The following NUDT7 variants were observed in gnomAD, a reference collection of about 807,000 sequenced individuals.
NUDT7 encodes the protein nudix hydrolase 7, also known as peroxisomal coenzyme A diphosphatase NUDT7.
NUDT7 carries 19 observed loss-of-function variants against 13.1 expected under a neutral mutation model. The observed-to-expected ratio is 1.45, with a 90% confidence interval of 1.01 to 2.13. NUDT7 has a LOEUF of 2.13. Ranked by LOEUF, NUDT7 falls within the 30% of genes most tolerant of loss-of-function variation. The probability of loss-of-function intolerance (pLI) is 0.00; values close to 1 mark genes in which losing one functional copy is unlikely to be tolerated. For synonymous variants in NUDT7, 132 were observed against 109.7 expected, an observed-to-expected ratio of 1.20 and a Z score of -1.27; for missense variants, 360 against 291.7, an observed-to-expected ratio of 1.23 and a Z score of -1.71.
At chr16:77,737,675 CG>C (rs1469298187) in intron 3 of NUDT7, among the ~76,000 whole-genome samples, 3 of 152,006 alleles carry the variant, frequency 2.0e-5, no homozygotes, top group Non-Finnish European at 2.9e-5. Context: ...TTAGTAGAGA[CG>C]GGGTTTCACC....
intron 2 of NUDT7, among the ~76,000 whole-genome samples, chr16:77,735,222 T>C (rs907233733): frequency 6.6e-6 from 1 of 152,182 alleles, no homozygotes; most frequent in African/African-American, 2.4e-5. Flanking sequence ...CCAAATCTCA[T>C]GTTCAGTCGT....
intron 2 of NUDT7, 131 bp from the exon 3 acceptor site, chr16:77,735,697 G>T (rs1383056677): frequency 2.5e-6 from 2 of 800,790 alleles, no homozygotes; most frequent in Non-Finnish European, 2.0e-6. Flanking sequence ...TGGGCAATAG[G>T]GGTCTTGATA....
At chr16:77,735,059 T>A (rs2014435050) in intron 2 of NUDT7, among the ~76,000 whole-genome samples, 1 of 152,198 alleles carries the variant, frequency 6.6e-6, no homozygotes, top group African/African-American at 2.4e-5. Flanking sequence ...AAAATCTTTA[T>A]GAAACAACAT....
At chr16:77,737,460 A>T (rs2014522069) in intron 3 of NUDT7, 1 of 151,436 alleles carries the variant, frequency 6.6e-6, no homozygotes, top group Non-Finnish European at 1.5e-5. Context: ...AGAGGTAGGT[A>T]TAAACTTTTC....
At chr16:77,735,361 A>T in intron 2 of NUDT7, 1 of 522,098 alleles carries the variant, frequency 1.9e-6, no homozygotes, top group South Asian at 3.1e-5. Context: ...AGTGTGTAGC[A>T]CCTCCCCTCC....
chr16:77,741,939 A>T lies in NUDT7; in HGVS notation c.706A>T (p.Ser236Cys). Residue 236 changes from serine (S) to cysteine (C), a missense_variant, in exon 4 of 4, where the codon AGC becomes TGC. Ser to Cys is a moderately radical substitution (Grantham distance 112, BLOSUM62 -1). Coordinates refer to ENST00000268533, the MANE Select transcript of NUDT7 (RefSeq NM_001105663.3). ...LFLKVHKKAT[S>C]RL is the part of the protein sequence containing the mutation. The stretch of plus-strand genomic sequence containing the variant: ...CCTGAAGGTTCATAAAAAAGCTACA[A>T]GCAGGTTATGATTTACTAGAGCAAG... 2 of 1,598,384 alleles carry T rather than the reference A, an allele frequency of 1.3e-6. No homozygotes were observed. Among genetic ancestry groups the T allele is most frequent in the South Asian group, 1.1e-5 (1 of 88,396 alleles).
At chr16:77,738,028 A>G (rs1032540817) in intron 3 of NUDT7, among the ~76,000 whole-genome samples, 14 of 152,090 alleles carry the variant, frequency 9.2e-5, no homozygotes, top group Non-Finnish European at 1.9e-4. Flanking sequence ...GCTAGTGGCC[A>G]CTCAATAAAT....
chr16:77,727,500 C>T (rs2014175113), intron 2 of NUDT7, among the ~76,000 whole-genome samples: 1 of 152,190 alleles, frequency 6.6e-6, no homozygotes, highest in Non-Finnish European at 1.5e-5. Flanking sequence ...ACCAGGGGAC[C>T]AGTGTCTGTT....
Position 77,725,474 on chromosome 16 carries a change from G to T in NUDT7, c.79G>T (p.Asp27Tyr), listed in dbSNP as rs2014101951. The stretch of plus-strand genomic sequence containing the variant: ...TGCTAAGGCCCGCTTAAGAAAGTAT[G>T]ATATTGGAGGCAAATATTCTCACTT... Reference protein sequence around the residue: ...DDAKARLRKYDIGGKYSHLPY... With the variant: ...DDAKARLRKYYIGGKYSHLPY... The change falls in exon 2 of 4, where the codon GAT becomes TAT. Residue 27 changes from aspartate (D) to tyrosine (Y), a missense_variant. By Grantham distance (160) the Asp-to-Tyr change is radical (BLOSUM62 -3). Coordinates refer to ENST00000268533, the MANE Select transcript of NUDT7 (RefSeq NM_001105663.3). The T allele has an allele frequency of 6.2e-7, 1 of 1,613,818 alleles. No homozygotes were observed. The highest frequency in any genetic ancestry group is 2.2e-5 in the East Asian group (1 of 44,878).
At chr16:77,741,362 A>G in intron 3 of NUDT7, 1 of 507,938 alleles carries the variant, frequency 2.0e-6, no homozygotes, top group Non-Finnish European at 3.5e-6. Context: ...TTATGTTCAT[A>G]CAAGAAATCA....
intron 3 of NUDT7, among the ~76,000 whole-genome samples, chr16:77,737,727 C>G (rs754725720): frequency 6.6e-6 from 1 of 152,112 alleles, no homozygotes; most frequent in Non-Finnish European, 1.5e-5. Context: ...CCTCATGATC[C>G]GCCTGCCTCA....
Position 77,741,763 on chromosome 16 carries a change from A to G in NUDT7, c.530A>G (p.Tyr177Cys). 1 of 1,614,128 alleles carries G rather than the reference A, an allele frequency of 6.2e-7. No individual in the cohort carries two copies. The highest frequency in any genetic ancestry group is 8.5e-7 in the Non-Finnish European group (1 of 1,180,016). ...GHRFINHIFE[Y>C]TNPEDGVTYQ... ...CGTTTTATTAATCATATCTTTGAGT[A>G]CACAAACCCTGAAGACGGTGTCACT... Residue 177 changes from tyrosine to cysteine, a missense_variant, in exon 4 of 4, where the codon TAC becomes TGC. Transcript: ENST00000268533.
At chr16:77,725,665 T>G in intron 2 of NUDT7, 81 bp downstream of exon 2, 3 of 1,339,594 alleles carry the variant, frequency 2.2e-6, no homozygotes, top group Non-Finnish European at 3.1e-6. Context: ...GCACACACTT[T>G]GATGCCAAAA....
intron 2 of NUDT7, among the ~76,000 whole-genome samples, chr16:77,731,406 A>C (rs561881902): frequency 2.6e-5 from 4 of 152,296 alleles, no homozygotes; most frequent in African/African-American, 9.6e-5. Flanking sequence ...AATTCCTATC[A>C]CCAACTGACA....
At chr16:77,726,737 C>T (rs2014148597) in intron 2 of NUDT7, among the ~76,000 whole-genome samples, 1 of 152,108 alleles carries the variant, frequency 6.6e-6, no homozygotes, top group Non-Finnish European at 1.5e-5. Flanking sequence ...GCGGAGGTTG[C>T]AGTGAGCCGA....
chr16:77,742,003 T>C lies in NUDT7; in HGVS notation c.*53T>C, dbSNP rs1007793995. On this transcript the variant is annotated 3_prime_UTR_variant, in exon 4 of 4. Coordinates refer to ENST00000268533, the MANE Select transcript of NUDT7 (RefSeq NM_001105663.3). ...TTCACGAGGATTCTGTGTGTGCTTA[T>C]TCGTAGAACAACAACAATGCCAGCT... The C allele has an allele frequency of 1.3e-5, 20 of 1,509,456 alleles. No homozygotes were observed. The highest frequency in any genetic ancestry group is 1.2e-4 in the South Asian group (9 of 73,994). The allele number at this position is 1,509,456 out of a possible 1,614,324, so 93.5% of individuals were successfully genotyped here. A position where few individuals can be genotyped will look rare whatever the true frequency, so the allele number is the denominator to read the frequency against.
At chr16:77,735,795 C>G in intron 2 of NUDT7, 33 bp from the exon 3 acceptor site, 1 of 1,581,972 alleles carries the variant, frequency 6.3e-7, no homozygotes, top group Non-Finnish European at 8.6e-7. Context: ...AAATTAGAAT[C>G]CCACATTGTA....
rs191556633 is a variant in NUDT7, at chr16:77,736,430, A to G, written c.348+444A>G. 3.9e-5 allele frequency among the ~76,000 whole-genome samples: 6 copies of G among 152,324 alleles called. No homozygotes were observed. The East Asian group carries it at 1.2e-3, about 29-fold the overall frequency. On this transcript the variant is annotated intron_variant, in intron 3 of 3. Coordinates refer to ENST00000268533, the MANE Select transcript of NUDT7 (RefSeq NM_001105663.3). ...CGTAAGGATATTCATTTTTCTACAT[A>G]CTATAGAATAAAGCCTCTCTGTGAT... is the stretch of plus-strand genomic sequence containing the variant.
At chr16:77,726,195 T>G (rs141708991) in intron 2 of NUDT7, among the ~76,000 whole-genome samples, 1 of 152,362 alleles carries the variant, frequency 6.6e-6, no homozygotes, top group East Asian at 1.9e-4. Context: ...CAGCTGTGAC[T>G]TTGGCCTCGT....
Sources: gnomAD v4.1 joint callset for allele counts (sites outside exome capture counted in the v4.1 genomes callset) on GRCh38, gnomAD v4.1.1 for gene constraint, MANE v1.5 for transcripts, NCBI Gene and HGNC (gene_info 2026-07-23, HGNC 2026-07-21) for gene names.